LRP1B: variants seen among roughly 807,000 people sequenced by gnomAD.
LRP1B encodes LDL receptor related protein 1B.
A neutral mutation model predicts 556.6 loss-of-function variants in LRP1B; 217 were observed. That is an observed-to-expected ratio of 0.39 (90% CI 0.35 to 0.44). The LOEUF is 0.44. Among genes scored for constraint, LRP1B ranks in the 20% least tolerant of loss-of-function variants. LRP1B has a pLI of 1.00. For synonymous variants in LRP1B, 2,047 were observed against 1,865.8 expected (o/e 1.10, Z -2.50); for missense variants, 5,053 against 5,620.8 (o/e 0.90, Z 3.23).
At chr2:141,642,964 C>G (rs1235192290) in intron 2 of LRP1B, among the ~76,000 whole-genome samples, 1 of 151,824 alleles carries the variant, frequency 6.6e-6, no homozygotes, top group East Asian at 1.9e-4. Context: ...GGGTCGAGAC[C>G]AATGTGAACT....
chr2:141,342,070 C>T (rs1304389807), intron 3 of LRP1B, among the ~76,000 whole-genome samples: 2 of 151,390 alleles, frequency 1.3e-5, no homozygotes, highest in East Asian at 1.9e-4. Flanking sequence ...CAATGAAACC[C>T]CGTCTCCACT....
chr2:140,916,344 T>C (rs1694579389), intron 21 of LRP1B, among the ~76,000 whole-genome samples: 1 of 152,228 alleles, frequency 6.6e-6, no homozygotes, highest in African/African-American at 2.4e-5. Context: ...ATCATTTTAT[T>C]CTGTATTCAC....
At chr2:140,814,314 C>G (rs1165252210) in intron 31 of LRP1B, among the ~76,000 whole-genome samples, 1 of 152,118 alleles carries the variant, frequency 6.6e-6, no homozygotes, top group African/African-American at 2.4e-5. Flanking sequence ...AAACGTTATA[C>G]TTTTATAGGC....
At chr2:140,370,547 A>G (rs1682949896) in intron 71 of LRP1B, among the ~76,000 whole-genome samples, 163 bp downstream of exon 71, 1 of 151,920 alleles carries the variant, frequency 6.6e-6, no homozygotes, top group African/African-American at 2.4e-5. Flanking sequence ...AATGATCTGG[A>G]TTTTGCATAT....
At chr2:140,383,293 CGT>C (rs35151647) in intron 67 of LRP1B, among the ~76,000 whole-genome samples, 3,777 of 145,374 alleles carry the variant, frequency 0.026, 123 homozygotes, top group African/African-American at 0.075. Flanking sequence ...CAGTGATGTG[CGT>C]GTGTGTGTGT....
chr2:141,746,831 A>T (rs76159150), intron 2 of LRP1B, among the ~76,000 whole-genome samples: 2,087 of 152,280 alleles, frequency 0.014, 39 homozygotes, highest in African/African-American at 0.047. Flanking sequence ...GTATTAGGTG[A>T]TATTACCTAT....
intron 2 of LRP1B, among the ~76,000 whole-genome samples, chr2:141,727,385 T>C (rs1693079253): frequency 6.6e-6 from 1 of 152,136 alleles, no homozygotes; most frequent in Non-Finnish European, 1.5e-5. Flanking sequence ...TTACATCAGA[T>C]TTCTATAACT....
At chr2:140,553,979 G>C (rs1680639889) in intron 43 of LRP1B, among the ~76,000 whole-genome samples, 1 of 151,990 alleles carries the variant, frequency 6.6e-6, no homozygotes, top group East Asian at 1.9e-4. Context: ...TTTTTCTATG[G>C]GGAAGCCCCT....
intron 32 of LRP1B, among the ~76,000 whole-genome samples, chr2:140,803,260 GTTTTT>G (rs11352164): frequency 3.9e-5 from 4 of 102,240 alleles, no homozygotes; most frequent in South Asian, 3.0e-4. Context: ...CCTATTGAAA[GTTTTT>G]TTTTTTTTTT....
chr2:141,078,096 G>T (rs1699836389), intron 7 of LRP1B, among the ~76,000 whole-genome samples: 2 of 151,632 alleles, frequency 1.3e-5, no homozygotes, highest in South Asian at 2.1e-4. Context: ...AATATTCATG[G>T]TTGAGGCAAA....
chr2:141,110,322 A>T (rs1013772941), intron 7 of LRP1B, among the ~76,000 whole-genome samples: 6 of 152,156 alleles, frequency 3.9e-5, no homozygotes, highest in Non-Finnish European at 7.3e-5. Flanking sequence ...AAGCCAAAAA[A>T]ATGCATAATA....
intron 3 of LRP1B, among the ~76,000 whole-genome samples, chr2:141,423,443 C>A (rs1348537157): frequency 6.6e-6 from 1 of 151,968 alleles, no homozygotes; most frequent in Non-Finnish European, 1.5e-5. Context: ...TGAAACTAAG[C>A]TGCTGCATCA....
chr2:141,505,777 A>G (rs970876960), intron 2 of LRP1B, among the ~76,000 whole-genome samples: 1 of 152,002 alleles, frequency 6.6e-6, no homozygotes, highest in African/African-American at 2.4e-5. Context: ...CTCCATTAAG[A>G]TTGCTTTAGG....
At chr2:140,881,163 T>A (rs1693460109) in intron 25 of LRP1B, among the ~76,000 whole-genome samples, 1 of 152,094 alleles carries the variant, frequency 6.6e-6, no homozygotes, top group Non-Finnish European at 1.5e-5. Flanking sequence ...CTTATGTTTA[T>A]ATTGTACATA....
Position 142,001,459 on chromosome 2 carries a change from G to A in LRP1B, c.82+129189C>T, listed in dbSNP as rs368718370. ...GGCCAGCACATTGCTTTGCTTCATA[G>A]TTCCTGCTTAGTAATTATTTGTTAA... On this transcript the variant is annotated intron_variant, in intron 1 of 90. Coordinates refer to ENST00000389484, the MANE Select transcript of LRP1B (RefSeq NM_018557.3). 3.9e-5 allele frequency among the ~76,000 whole-genome samples: 6 copies of A among 152,296 alleles called. No individual in the cohort carries two copies. In the East Asian group the frequency reaches 7.7e-4, roughly 20 times the overall value.
intron 6 of LRP1B, among the ~76,000 whole-genome samples, chr2:141,224,144 A>T (rs1397816490): frequency 2.6e-5 from 1 of 37,790 alleles, no homozygotes; most frequent in African/African-American, 9.9e-5. Context: ...GAACTTAAAC[A>T]AATTGACACA....
chr2:140,246,733 A>G (rs1681182387), intron 87 of LRP1B, among the ~76,000 whole-genome samples: 1 of 151,500 alleles, frequency 6.6e-6, no homozygotes, highest in Non-Finnish European at 1.5e-5. Flanking sequence ...TGCTCTAATT[A>G]AAACATGGAA....
intron 2 of LRP1B, among the ~76,000 whole-genome samples, chr2:141,745,901 G>A (rs942842958): frequency 2.0e-5 from 3 of 151,736 alleles, no homozygotes; most frequent in Non-Finnish European, 4.4e-5. Context: ...AGCAGGTGAC[G>A]TATTCCGCAA....
rs576757814 is a variant in LRP1B at position 141,571,081 on chromosome 2, T to C, written c.206-90548A>G. On this transcript the variant is annotated intron_variant, in intron 2 of 90. Transcript: ENST00000389484. ...AAAGTTCCCTGTTAAACGGGTCCTG[T>C]GCCCTGTGCCACCCAACTGGGTGAG... 9.8e-4 allele frequency among the ~76,000 whole-genome samples: 149 copies of C among 151,340 alleles called. 12 individuals carry two copies. In the Middle Eastern group the frequency reaches 0.01, roughly 10 times the overall value.
Sources: gnomAD v4.1 joint callset for allele counts (sites outside exome capture counted in the v4.1 genomes callset) on GRCh38, gnomAD v4.1.1 for gene constraint, MANE v1.5 for transcripts, NCBI Gene and HGNC (gene_info 2026-07-23, HGNC 2026-07-21) for gene names.